ZNF562: variants seen among roughly 807,000 people sequenced by gnomAD.
The protein encoded by ZNF562 is zinc finger protein 562.
In ZNF562, 13 loss-of-function variants were observed where a neutral mutation model predicts 17.5. The observed-to-expected ratio is 0.74, with a 90% CI of 0.48 to 1.18. The LOEUF is 1.18. Among genes scored for constraint, ZNF562 ranks in the 50% most tolerant of loss-of-function variants. ZNF562 has a pLI of 0.00. For missense variants in ZNF562, 481 were observed against 498.5 expected (o/e 0.96, Z 0.33); for synonymous variants, 163 against 165.4 (o/e 0.99, Z 0.11).
intron 1 of ZNF562, among the ~76,000 whole-genome samples, chr19:9,669,732 G>GCGCA (rs1555699545): frequency 8.3e-4 from 64 of 76,776 alleles, no homozygotes; most frequent in Non-Finnish European, 1.7e-3. Flanking sequence ...GCGCGCGCGC[G>GCGCA]CGCACACACA....
At chr19:9,657,450 T>A (rs572378376) in intron 4 of ZNF562, among the ~76,000 whole-genome samples, 15 of 150,220 alleles carry the variant, frequency 1.0e-4, no homozygotes, top group African/African-American at 3.7e-4. Context: ...AAAACAGAAC[T>A]GGTAGTTTTG....
chr19:9,649,492 A>T lies in ZNF562; in HGVS notation c.*3457T>A, dbSNP rs2074838995. On this transcript the variant is annotated 3_prime_UTR_variant, in exon 6 of 6. Transcript: ENST00000453372. ...TATCACTGAATTCTTTTTCTCAGCA[A>T]GGAACATCCTTGAGAAAGAGAATGC... 6.6e-6 allele frequency: 1 copy of T among 152,226 alleles called. No homozygotes were observed. The highest frequency in any genetic ancestry group is 2.4e-5 in the African/African-American group (1 of 41,448). 9.4% of individuals were successfully genotyped at this position (152,226 alleles called of 1,614,324 possible).
chr19:9,657,038 T>A (rs1341506196), intron 4 of ZNF562, among the ~76,000 whole-genome samples: 4 of 126,584 alleles, frequency 3.2e-5, no homozygotes, highest in Non-Finnish European at 5.1e-5. Context: ...AGACTCCATC[T>A]CAAAAAAAAA....
chr19:9,653,762 A>T lies in ZNF562; in HGVS notation c.468T>A (p.Asn156Lys). ...CACTGATGCTGTCTTTTCCATAACA[A>T]TTACCCTCAAAAGTGTTCCCTCCAT... ...AQNGGNTFEG[N>K]CYGKDSISVH... Residue 156 changes from asparagine to lysine, a missense_variant, in exon 6 of 6, where the codon AAT becomes AAA. Asn to Lys is a moderately conservative substitution (Grantham distance 94, BLOSUM62 0). Transcript: ENST00000453372. The T allele has an allele frequency of 2.5e-6, 4 of 1,614,002 alleles. No individual in the cohort carries two copies. Among genetic ancestry groups the T allele is most frequent in the Non-Finnish European group, 3.4e-6 (4 of 1,179,960 alleles).
chr19:9,655,473 G>GT (rs1317605170), intron 5 of ZNF562, among the ~76,000 whole-genome samples: 2 of 152,028 alleles, frequency 1.3e-5, no homozygotes, highest in Non-Finnish European at 2.9e-5. Flanking sequence ...TCTCTCTCAA[G>GT]TATCTCTCAT....
chr19:9,661,117 A>G (rs1290406336), intron 1 of ZNF562, among the ~76,000 whole-genome samples: 1 of 152,104 alleles, frequency 6.6e-6, no homozygotes, highest in African/African-American at 2.4e-5. Context: ...CCTTCCCAAC[A>G]GCTATCATTA....
chr19:9,655,422 A>C (rs1480239575), intron 5 of ZNF562, among the ~76,000 whole-genome samples: 4 of 152,156 alleles, frequency 2.6e-5, no homozygotes, highest in Non-Finnish European at 2.9e-5. Flanking sequence ...CATTCAGACT[A>C]TCTCTCCAGA....
intron 1 of ZNF562, among the ~76,000 whole-genome samples, chr19:9,668,547 A>T (rs1194545966): frequency 6.6e-6 from 1 of 152,220 alleles, no homozygotes; most frequent in Non-Finnish European, 1.5e-5. Flanking sequence ...ACCCAAAGCA[A>T]TTTACAATTA....
chr19:9,661,882 A>T (rs540037002), intron 1 of ZNF562, among the ~76,000 whole-genome samples: 5 of 152,254 alleles, frequency 3.3e-5, no homozygotes, highest in African/African-American at 1.2e-4. Context: ...CTCCCACTTC[A>T]GCCCCCAAAG....
rs1005860970 is a variant in ZNF562, at chr19:9,652,221, C to T, written c.*728G>A. The T allele has an allele frequency of 3.3e-5, 5 of 152,166 alleles. No individual in the cohort carries two copies. Among genetic ancestry groups the T allele is most frequent in the Admixed American group, 1.3e-4 (2 of 15,272 alleles). 9.4% of individuals were successfully genotyped at this position (152,166 alleles called of 1,614,324 possible). On this transcript the variant is annotated 3_prime_UTR_variant, in exon 6 of 6. Coordinates refer to ENST00000453372, the MANE Select transcript of ZNF562 (RefSeq NM_001130031.2). ...CCTAAAATGGACAGAGAAGACAGAA[C>T]AGAACAGTCAAGGTTGTCACACTTC...
intron 4 of ZNF562, among the ~76,000 whole-genome samples, chr19:9,657,133 G>A (rs1258415294): frequency 6.6e-6 from 1 of 151,598 alleles, no homozygotes; most frequent in Non-Finnish European, 1.5e-5. Context: ...TTACACAACT[G>A]ATGTGTTTAG....
chr19:9,647,421 A>G lies in ZNF562; in HGVS notation c.*5528T>C, dbSNP rs1285595200. 2.0e-5 allele frequency: 3 copies of G among 151,952 alleles called. No homozygotes were observed. The highest frequency in any genetic ancestry group is 4.4e-5 in the Non-Finnish European group (3 of 68,038). 9.4% of individuals were successfully genotyped at this position (151,952 alleles called of 1,614,324 possible). On this transcript the variant is annotated 3_prime_UTR_variant, in exon 6 of 6. Coordinates refer to ENST00000453372, the MANE Select transcript of ZNF562 (RefSeq NM_001130031.2). ...TATTTATTTTTATTTTTTTGGAGAT[A>G]TGGGGTCTGTGTTGCCCAGACTGAT...
intron 1 of ZNF562, among the ~76,000 whole-genome samples, chr19:9,661,359 C>A (rs1170569765): frequency 1.3e-5 from 2 of 152,124 alleles, no homozygotes; most frequent in Non-Finnish European, 2.9e-5. Flanking sequence ...CACTCTGTTG[C>A]CCAGGCTGAA....
chr19:9,670,287 T>G (rs2044139391), intron 1 of ZNF562, among the ~76,000 whole-genome samples: 1 of 151,650 alleles, frequency 6.6e-6, no homozygotes, highest in Non-Finnish European at 1.5e-5. Context: ...TCTCAAAAAA[T>G]TAAAAATAGA....
intron 1 of ZNF562, among the ~76,000 whole-genome samples, 167 bp from the exon 2 acceptor site, chr19:9,661,041 G>T (rs2043715753): frequency 6.6e-6 from 1 of 152,164 alleles, no homozygotes; most frequent in South Asian, 2.1e-4. Context: ...ATTTATTGAG[G>T]ACTAGTATGT....
chr19:9,655,717 C>CTTTTTTTTTTTTTTTTT (rs58199071), intron 5 of ZNF562, among the ~76,000 whole-genome samples: 12 of 48,690 alleles, frequency 2.5e-4, no homozygotes, highest in African/African-American at 5.7e-4. Flanking sequence ...TCTTTTCTTT[C>CTTTTTTTTTTTTTTTTT]TTTTTTTTTT....
rs1250851254 is a variant in ZNF562, at chr19:9,643,110, G to A, written c.*9839C>T. On this transcript the variant is annotated 3_prime_UTR_variant, in exon 6 of 6. Coordinates refer to ENST00000453372, the MANE Select transcript of ZNF562 (RefSeq NM_001130031.2). Reference sequence around the variant, plus strand: ...CTCATTCCTGTAATCCCAGCACTTTGGGAGGTTGAATCAGGCTGAATCAGG... The same window carrying A: ...CTCATTCCTGTAATCCCAGCACTTTAGGAGGTTGAATCAGGCTGAATCAGG... The A allele has an allele frequency of 6.6e-6, 1 of 151,458 alleles. No individual in the cohort carries two copies. The highest frequency in any genetic ancestry group is 1.5e-5 in the Non-Finnish European group (1 of 67,962). The allele number at this position is 151,458 out of a possible 1,614,324, so 9.4% of individuals were successfully genotyped here.
rs145986644 is a variant in ZNF562 at position 9,642,857 on chromosome 19, C to A, written c.*10092G>T. The A allele has an allele frequency of 6.7e-6, 1 of 150,198 alleles. No homozygotes were observed. Among genetic ancestry groups the A allele is most frequent in the East Asian group, 2.0e-4 (1 of 5,094 alleles). 9.3% of individuals were successfully genotyped at this position (150,198 alleles called of 1,614,324 possible). A position where few individuals can be genotyped will look rare whatever the true frequency, so the allele number is the denominator to read the frequency against. ...CCTGGGCAATATAGTGAGACACAGT[C>A]TCGACCAAAAAAAAAAAAATTTAAA... On this transcript the variant is annotated 3_prime_UTR_variant, in exon 6 of 6. Coordinates refer to ENST00000453372, the MANE Select transcript of ZNF562 (RefSeq NM_001130031.2).
chr19:9,669,992 G>T (rs2044124581), intron 1 of ZNF562, among the ~76,000 whole-genome samples: 2 of 152,114 alleles, frequency 1.3e-5, no homozygotes, highest in African/African-American at 2.4e-5. Flanking sequence ...AACCCAGGAG[G>T]CGGACGTTGC....
Sources: gnomAD v4.1 joint callset for allele counts (sites outside exome capture counted in the v4.1 genomes callset) on GRCh38, gnomAD v4.1.1 for gene constraint, MANE v1.5 for transcripts, NCBI Gene and HGNC (gene_info 2026-07-23, HGNC 2026-07-21) for gene names.